Variants in INSR observed in about 807,000 individuals in gnomAD.
INSR encodes IR.
In INSR, 67 loss-of-function variants were observed where a neutral mutation model predicts 142.6. The ratio of observed to expected loss-of-function variants is 0.47; its 90% CI spans 0.39 to 0.58. INSR has a LOEUF of 0.58. INSR is among the 20% of genes least tolerant of loss of function. The probability of loss-of-function intolerance (pLI) is 0.00; values close to 1 mark genes in which losing one functional copy is unlikely to be tolerated. For missense variants in INSR, 1,248 were observed against 1,833.2 expected, an observed-to-expected ratio of 0.68 and a Z score of 5.83; for synonymous variants, 756 against 743.1, an observed-to-expected ratio of 1.02 and a Z score of -0.28.
At position 7,216,704 on chromosome 19, in the gene INSR, G is replaced by C. The variant is rs1975444808; in HGVS notation, c.653-32067C>G. 6.6e-6 allele frequency among the ~76,000 whole-genome samples: 1 copy of C among 152,182 alleles called. No individual in the cohort carries two copies. The highest frequency in any genetic ancestry group is 2.1e-4 in the South Asian group (1 of 4,826). On this transcript the variant is annotated intron_variant, in intron 2 of 21. Transcript: ENST00000302850. The surrounding 1 kb of genome is among the most constrained non-coding windows in gnomAD (Gnocchi z 4.2). ...CCTGCTCTGACTCCTGTTGGCCCCT[G>C]GCTAGAGACCCGCCCAGAGGGGGTT...
intron 13 of INSR, among the ~76,000 whole-genome samples, chr19:7,135,280 C>T (rs979498120): frequency 3.5e-5 from 5 of 143,048 alleles, no homozygotes; most frequent in Non-Finnish European, 7.5e-5. Context: ...AGCTGCTATC[C>T]AGGACAAAGG....
chr19:7,129,109 C>T (rs1303967001), intron 14 of INSR, among the ~76,000 whole-genome samples, 155 bp from the exon 15 acceptor site: 2 of 152,268 alleles, frequency 1.3e-5, no homozygotes, highest in East Asian at 3.9e-4. Context: ...TCCTGATTTT[C>T]CAGCAGTCCC....
chr19:7,204,873 G>A (rs1220028076), intron 2 of INSR, among the ~76,000 whole-genome samples: 1 of 152,184 alleles, frequency 6.6e-6, no homozygotes, highest in African/African-American at 2.4e-5. Context: ...TTGAGGTCAG[G>A]AACTCGAGAC....
At chr19:7,265,410 T>C (rs1050156629) in intron 2 of INSR, among the ~76,000 whole-genome samples, 3 of 152,124 alleles carry the variant, frequency 2.0e-5, no homozygotes, top group South Asian at 2.1e-4. Flanking sequence ...CACAAACAGA[T>C]CTCAAGTAGT....
intron 1 of INSR, among the ~76,000 whole-genome samples, chr19:7,287,317 G>A (rs547717134): frequency 6.6e-6 from 1 of 151,918 alleles, no homozygotes; most frequent in East Asian, 1.9e-4. Context: ...GCGCCACCAC[G>A]CCTGGCTAAT....
At chr19:7,241,867 A>G (rs1434729324) in intron 2 of INSR, among the ~76,000 whole-genome samples, 1 of 152,064 alleles carries the variant, frequency 6.6e-6, no homozygotes, top group African/African-American at 2.4e-5. Context: ...TTAAATTTAA[A>G]AAAAGAAGAA....
At position 7,152,711 on chromosome 19, in the gene INSR, G is replaced by C. The variant is rs1158418410; in HGVS notation, c.2231+15C>G. On this transcript the variant is annotated intron_variant, in intron 10 of 21. Transcript: ENST00000302850. Reference sequence around the variant, plus strand: ...AATTGGCACCCACTAAGAGAGCCCAGCGCCAAGTCCTGACCTGGGGACGAA... The same window carrying C: ...AATTGGCACCCACTAAGAGAGCCCACCGCCAAGTCCTGACCTGGGGACGAA... 6.2e-7 allele frequency: 1 copy of C among 1,609,318 alleles called. No individual in the cohort carries two copies. The highest frequency in any genetic ancestry group is 1.3e-5 in the African/African-American group (1 of 74,728).
rs755694459 is a variant in INSR at position 7,267,841 on chromosome 19, A to G, written c.156T>C (p.Asn52=). The change falls in exon 2 of 22, where the codon AAT becomes AAC. Residue 52 remains asparagine, a synonymous_variant. Transcript: ENST00000302850. This position sits in a 1 kb window ranked among gnomAD's most constrained non-coding sequence, Gnocchi z 6.3. ...NNLTRLHELE[N]CSVIEGHLQI... ...GCAAGTGTCCTTCGATGACAGAGCA[A>G]TTCTCCAGCTCATGCAACCTAGTGA... The G allele has an allele frequency of 3.7e-6, 6 of 1,614,088 alleles. No individual in the cohort carries two copies. In the South Asian group the frequency reaches 6.6e-5, roughly 18 times the overall value.
chr19:7,264,378 C>G (rs759557794), intron 2 of INSR, among the ~76,000 whole-genome samples: 29 of 152,074 alleles, frequency 1.9e-4, no homozygotes, highest in Non-Finnish European at 3.4e-4. Flanking sequence ...ACTGAACACC[C>G]AGCAGGGAGC....
intron 11 of INSR, among the ~76,000 whole-genome samples, chr19:7,147,323 C>A (rs1220730988): frequency 6.6e-6 from 1 of 151,930 alleles, no homozygotes; most frequent in Non-Finnish European, 1.5e-5. Context: ...TACAGGCGCA[C>A]GTTACCACAT....
At chr19:7,228,124 G>A (rs999327023) in intron 2 of INSR, among the ~76,000 whole-genome samples, 7 of 152,112 alleles carry the variant, frequency 4.6e-5, no homozygotes, top group Non-Finnish European at 1.0e-4. Flanking sequence ...GTTCTGAAAC[G>A]CACCCTAACT....
intron 13 of INSR, among the ~76,000 whole-genome samples, chr19:7,136,128 A>C (rs1972919424): frequency 6.6e-6 from 1 of 152,042 alleles, no homozygotes; most frequent in Non-Finnish European, 1.5e-5. Flanking sequence ...GCTCGTGGGC[A>C]TGAAGTGGTA....
chr19:7,198,549 C>T (rs1249520549), intron 2 of INSR, among the ~76,000 whole-genome samples: 1 of 152,096 alleles, frequency 6.6e-6, no homozygotes, highest in African/African-American at 2.4e-5. Flanking sequence ...CCGGGACTGC[C>T]GAGGGGCCCC....
chr19:7,132,366 T>C (rs1351720312), intron 13 of INSR, 49 bp from the exon 14 acceptor site: 2 of 1,597,204 alleles, frequency 1.3e-6, no homozygotes, highest in African/African-American at 1.3e-5. Flanking sequence ...TTTGCACATC[T>C]GGGAGTGTCC....
intron 13 of INSR, among the ~76,000 whole-genome samples, chr19:7,136,707 C>T (rs1213212610): frequency 6.6e-6 from 1 of 152,012 alleles, no homozygotes; most frequent in Non-Finnish European, 1.5e-5. Flanking sequence ...TGTGAGGTTA[C>T]AGTCACCTTC....
intron 2 of INSR, among the ~76,000 whole-genome samples, chr19:7,260,970 C>T (rs1977042349): frequency 6.6e-6 from 1 of 151,846 alleles, no homozygotes; most frequent in Non-Finnish European, 1.5e-5. Context: ...TCACTGCGAC[C>T]TCCGCCCCCG....
intron 2 of INSR, among the ~76,000 whole-genome samples, chr19:7,261,453 A>T (rs1977060244): frequency 6.6e-6 from 1 of 152,118 alleles, no homozygotes; most frequent in Non-Finnish European, 1.5e-5. Context: ...TTGCAGGATA[A>T]TGGAGAGAGG....
At chr19:7,241,478 C>T (rs1976340797) in intron 2 of INSR, among the ~76,000 whole-genome samples, 1 of 152,010 alleles carries the variant, frequency 6.6e-6, no homozygotes, top group African/African-American at 2.4e-5. Context: ...AAAACTTTGC[C>T]AGGCATAGTG....
intron 3 of INSR, among the ~76,000 whole-genome samples, chr19:7,182,864 C>G (rs1373182918): frequency 2.2e-5 from 2 of 91,594 alleles, no homozygotes; most frequent in Non-Finnish European, 4.4e-5. Context: ...AGAAATGAAT[C>G]AAAAGGAATA....
Sources: allele counts gnomAD v4.1 joint callset (sites outside exome capture counted in the v4.1 genomes callset), GRCh38; gene constraint gnomAD v4.1.1; non-coding constraint Gnocchi (gnomAD v3.1); transcripts MANE v1.5; gene names NCBI Gene and HGNC (gene_info 2026-07-23, HGNC 2026-07-21).